The following GLI3 variants were observed in gnomAD, a reference collection of about 807,000 sequenced individuals.
The protein encoded by GLI3 is transcription activator GLI3.
Under a neutral mutation model 100.8 loss-of-function variants are expected in GLI3, and 20 were observed. The observed-to-expected ratio is 0.20, with a 90% CI of 0.14 to 0.29. GLI3 has a LOEUF of 0.29. Ranked by LOEUF, GLI3 falls within the 10% of genes least tolerant of loss-of-function variation. The pLI is 1.00. For missense variants in GLI3, 2,040 were observed against 2,128.5 expected (o/e 0.96, Z 0.82); for synonymous variants, 938 against 860.5 (o/e 1.09, Z -1.58).
At chr7:42,246,715 A>T (rs1788977882) in intron 1 of GLI3, among the ~76,000 whole-genome samples, 1 of 149,402 alleles carries the variant, frequency 6.7e-6, no homozygotes. Flanking sequence ...TAATATCTTT[A>T]TGGCAGTCCC....
At chr7:42,261,473 T>C (rs141132902) in intron 1 of GLI3, among the ~76,000 whole-genome samples, 76 of 152,164 alleles carry the variant, frequency 5.0e-4, no homozygotes, top group African/African-American at 1.7e-3. Flanking sequence ...AGCTATCCAC[T>C]AACCGTTCAC....
intron 2 of GLI3, among the ~76,000 whole-genome samples, chr7:42,186,787 T>C (rs2128685754): frequency 6.8e-6 from 1 of 147,872 alleles, no homozygotes; most frequent in Non-Finnish European, 1.5e-5. Flanking sequence ...CTACACCAGA[T>C]CAACTTTTAT....
rs952090347 is a variant in GLI3 at position 42,152,331 on chromosome 7, T to G, written c.125-3863A>C. 40 of 899,274 alleles carry G rather than the reference T, an allele frequency of 4.4e-5. No individual in the cohort carries two copies. The African/African-American group carries it at 6.8e-4, about 15-fold the overall frequency. 55.7% of individuals were successfully genotyped at this position (899,274 alleles called of 1,614,324 possible). ...CCCAAGACCTAGAAGATGCGGAGTA[T>G]AAGAGAACAGACAATACTTACAACA... is the stretch of plus-strand genomic sequence containing the variant. On this transcript the variant is annotated intron_variant, in intron 2 of 14. Transcript: ENST00000395925.
At chr7:42,117,465 C>A (rs1785888481) in intron 3 of GLI3, among the ~76,000 whole-genome samples, 1 of 152,214 alleles carries the variant, frequency 6.6e-6, no homozygotes, top group Admixed American at 6.5e-5. Context: ...GTCACTTAGA[C>A]ACTCATTGCC....
At chr7:42,180,391 C>A (rs1482455651) in intron 2 of GLI3, among the ~76,000 whole-genome samples, 2 of 152,156 alleles carry the variant, frequency 1.3e-5, no homozygotes, top group Admixed American at 6.5e-5. Flanking sequence ...GCTCCAATGG[C>A]CCTGTGAAAG....
chr7:42,200,791 G>A (rs533163494), intron 2 of GLI3, among the ~76,000 whole-genome samples: 2 of 137,362 alleles, frequency 1.5e-5, no homozygotes, highest in East Asian at 4.8e-4. Context: ...CTCTCCTTTA[G>A]TCAAAACTTT....
chr7:42,244,338 C>T (rs1562799673), intron 1 of GLI3, among the ~76,000 whole-genome samples: 1 of 152,196 alleles, frequency 6.6e-6, no homozygotes, highest in African/African-American at 2.4e-5. Context: ...ACTTCTTAAG[C>T]TCTACCAAAA....
At chr7:42,194,447 T>C (rs561872864) in intron 2 of GLI3, among the ~76,000 whole-genome samples, 4 of 152,218 alleles carry the variant, frequency 2.6e-5, no homozygotes, top group Non-Finnish European at 5.9e-5. Flanking sequence ...TTTCTGGCTC[T>C]GCTTCTTGGA....
intron 2 of GLI3, among the ~76,000 whole-genome samples, chr7:42,154,128 C>G (rs1786944495): frequency 6.6e-6 from 1 of 151,966 alleles, no homozygotes; most frequent in Non-Finnish European, 1.5e-5. Flanking sequence ...CATTGCTATG[C>G]ACAGAAAATT....
At chr7:42,137,810 G>A (rs1786464999) in intron 3 of GLI3, among the ~76,000 whole-genome samples, 1 of 152,164 alleles carries the variant, frequency 6.6e-6, no homozygotes, top group Non-Finnish European at 1.5e-5. Context: ...ATTGTTTCAT[G>A]CATAAAATTG....
At chr7:42,089,370 C>G (rs373517846) in intron 3 of GLI3, among the ~76,000 whole-genome samples, 1 of 152,142 alleles carries the variant, frequency 6.6e-6, no homozygotes, top group African/African-American at 2.4e-5. Flanking sequence ...CATGATAATA[C>G]GGGATTTAAA....
At chr7:42,098,947 G>A (rs1008362266) in intron 3 of GLI3, among the ~76,000 whole-genome samples, 1 of 152,194 alleles carries the variant, frequency 6.6e-6, no homozygotes, top group South Asian at 2.1e-4. Flanking sequence ...CCTTGTGGGT[G>A]ATCCTAACAG....
chr7:42,082,290 T>C (rs913845038), intron 3 of GLI3, among the ~76,000 whole-genome samples: 2 of 152,044 alleles, frequency 1.3e-5, no homozygotes, highest in East Asian at 3.9e-4. Context: ...TGCCTGCAAG[T>C]CGTTTTTCCA....
intron 2 of GLI3, among the ~76,000 whole-genome samples, chr7:42,159,896 T>C (rs1200429248): frequency 6.6e-6 from 1 of 152,240 alleles, no homozygotes; most frequent in East Asian, 1.9e-4. Context: ...AGGATGTTAT[T>C]TCTTTTTCAA....
intron 2 of GLI3, among the ~76,000 whole-genome samples, chr7:42,149,080 G>A (rs2128787386): frequency 6.6e-6 from 1 of 152,290 alleles, no homozygotes; most frequent in African/African-American, 2.4e-5. Context: ...AAAACTCATT[G>A]GTGAAAAGGG....
In GLI3 at chr7:42,025,686, G is replaced by A. The variant is rs149779710; in HGVS notation, c.1243-309C>T. Reference sequence around the variant, plus strand: ...CAACAGGGTATTTCAAAAGAACAAAGTTGTGAGGAGGGTAGAAGACCAACA... The same window carrying A: ...CAACAGGGTATTTCAAAAGAACAAAATTGTGAGGAGGGTAGAAGACCAACA... On this transcript the variant is annotated intron_variant, in intron 8 of 14. Transcript: ENST00000395925. Among the ~76,000 whole-genome samples the A allele has an allele frequency of 6.2e-4, 94 of 152,344 alleles. 1 individual carries two copies. The highest frequency in any genetic ancestry group is 2.1e-3 in the African/African-American group (87 of 41,584).
At chr7:42,006,401 C>G (rs543616910) in intron 10 of GLI3, among the ~76,000 whole-genome samples, 1 of 152,284 alleles carries the variant, frequency 6.6e-6, no homozygotes, top group Non-Finnish European at 1.5e-5. Flanking sequence ...TGGGCCACCA[C>G]GTGCTGGCAG....
chr7:42,172,356 C>T, intron 2 of GLI3: 1 of 578,676 alleles, frequency 1.7e-6, no homozygotes, highest in South Asian at 2.1e-5. Flanking sequence ...AAAGAGGGAT[C>T]CGCATGTCTT....
At chr7:42,254,892 A>G (rs546036743) in intron 1 of GLI3, among the ~76,000 whole-genome samples, 2 of 152,020 alleles carry the variant, frequency 1.3e-5, no homozygotes, top group South Asian at 4.2e-4. Context: ...AATGCCAGAT[A>G]TAATTCAATA....
Sources: allele counts gnomAD v4.1 joint callset (sites outside exome capture counted in the v4.1 genomes callset), GRCh38; gene constraint gnomAD v4.1.1; transcripts MANE v1.5; gene names NCBI Gene and HGNC (gene_info 2026-07-23, HGNC 2026-07-21).